RARB: variants seen among roughly 807,000 people sequenced by gnomAD.
RARB encodes HBV-activated protein.
RARB carries 17 observed loss-of-function variants against 51.9 expected under a neutral mutation model. The ratio of observed to expected loss-of-function variants is 0.33; its 90% confidence interval spans 0.22 to 0.49. The LOEUF is 0.49. RARB is among the 20% of genes least tolerant of loss of function. The probability of loss-of-function intolerance (pLI) is 0.99; values close to 1 mark genes in which losing one functional copy is unlikely to be tolerated. For synonymous variants in RARB, 215 were observed against 195.4 expected, an observed-to-expected ratio of 1.10 and a Z score of -0.84; for missense variants, 369 against 550.8, an observed-to-expected ratio of 0.67 and a Z score of 3.30.
intron 1 of RARB, among the ~76,000 whole-genome samples, chr3:25,434,241 G>C (rs1246349203): frequency 1.3e-5 from 2 of 152,330 alleles, no homozygotes; most frequent in African/African-American, 4.8e-5. Flanking sequence ...GGGTGATAGT[G>C]GGTGATGATG....
intron 5 of RARB, among the ~76,000 whole-genome samples, chr3:25,294,723 G>A (rs1472142372): frequency 1.1e-5 from 1 of 87,180 alleles, no homozygotes; most frequent in African/African-American, 7.3e-5. Flanking sequence ...CCCGTTGGCG[G>A]AAGCTTCCTA....
At chr3:25,029,739 G>A (rs144006772) in intron 2 of RARB, among the ~76,000 whole-genome samples, 180 of 152,314 alleles carry the variant, frequency 1.2e-3, no homozygotes, top group Admixed American at 2.9e-3. Flanking sequence ...AATAAGTCAC[G>A]TGTGGCACAG....
At chr3:24,992,772 C>T (rs1166420737) in intron 2 of RARB, among the ~76,000 whole-genome samples, 2 of 152,128 alleles carry the variant, frequency 1.3e-5, no homozygotes, top group Non-Finnish European at 2.9e-5. Context: ...TTAGCGATCA[C>T]CCATATGACC....
At chr3:25,245,293 G>T (rs1017775602) in intron 5 of RARB, among the ~76,000 whole-genome samples, 1 of 152,086 alleles carries the variant, frequency 6.6e-6, no homozygotes, top group African/African-American at 2.4e-5. Flanking sequence ...GGGGCATTTA[G>T]CCTGTTTACA....
chr3:25,224,571 T>G (rs1702013222), intron 5 of RARB, among the ~76,000 whole-genome samples: 1 of 152,150 alleles, frequency 6.6e-6, no homozygotes, highest in African/African-American at 2.4e-5. Flanking sequence ...AGAAATTAGG[T>G]GTTCAGGTAA....
chr3:25,123,736 T>C (rs1464096267), intron 3 of RARB, among the ~76,000 whole-genome samples: 7 of 152,192 alleles, frequency 4.6e-5, no homozygotes, highest in Admixed American at 4.6e-4. Context: ...TGCCTATTTT[T>C]ACCCTCTTCT....
intron 2 of RARB, among the ~76,000 whole-genome samples, chr3:24,964,887 A>G (rs1696220856): frequency 6.6e-6 from 1 of 152,148 alleles, no homozygotes; most frequent in African/African-American, 2.4e-5. Flanking sequence ...TGGGAAAGAT[A>G]TTTGTGACAG....
intron 2 of RARB, among the ~76,000 whole-genome samples, chr3:24,864,731 A>G (rs1428465205): frequency 6.7e-6 from 1 of 149,340 alleles, no homozygotes; most frequent in Non-Finnish European, 1.5e-5. Flanking sequence ...TATTTTTTTT[A>G]TGCTCTAAAA....
rs536368430 is a variant in RARB, at chr3:25,086,436, G to C, written c.-328+26260G>C. Among the ~76,000 whole-genome samples the C allele has an allele frequency of 2.0e-5, 3 of 152,194 alleles. No individual in the cohort carries two copies. In the East Asian group the frequency reaches 5.8e-4, roughly 29 times the overall value. On this transcript the variant is annotated intron_variant, in intron 3 of 11. Coordinates refer to the RARB transcript ENST00000383772. ...AGGGAAGTCAGGACATTTTTTCTCAGAAAAATTTTTTAACTTATGAAGAGT... is the reference window on the plus strand; with the variant it reads ...AGGGAAGTCAGGACATTTTTTCTCACAAAAATTTTTTAACTTATGAAGAGT...
chr3:25,209,700 C>A (rs1428633303), intron 5 of RARB, among the ~76,000 whole-genome samples: 1 of 152,144 alleles, frequency 6.6e-6, no homozygotes, highest in South Asian at 2.1e-4. Context: ...CCCTAGCTCT[C>A]CTGCTCCCTG....
intron 3 of RARB, among the ~76,000 whole-genome samples, chr3:25,066,774 T>G (rs1698672664): frequency 6.6e-6 from 1 of 151,848 alleles, no homozygotes; most frequent in African/African-American, 2.4e-5. Flanking sequence ...AAAATAAAAA[T>G]TATCTTTGTT....
At chr3:25,395,915 G>A (rs950792258) in intron 5 of RARB, among the ~76,000 whole-genome samples, 2 of 151,736 alleles carry the variant, frequency 1.3e-5, no homozygotes, top group Non-Finnish European at 2.9e-5. Flanking sequence ...TGTGATCTTT[G>A]TGGGGAGTTA....
intron 2 of RARB, among the ~76,000 whole-genome samples, chr3:24,908,521 G>T (rs1000597558): frequency 2.0e-5 from 3 of 152,008 alleles, no homozygotes; most frequent in African/African-American, 4.8e-5. Context: ...TCAACATAAT[G>T]AACAAAATTT....
At chr3:25,003,714 A>T (rs908568043) in intron 2 of RARB, among the ~76,000 whole-genome samples, 3 of 152,158 alleles carry the variant, frequency 2.0e-5, no homozygotes, top group Admixed American at 6.6e-5. Flanking sequence ...TTTACTGAAG[A>T]TGGATGGAAG....
chr3:24,981,587 G>C (rs1393911217), intron 2 of RARB, among the ~76,000 whole-genome samples: 1 of 151,968 alleles, frequency 6.6e-6, no homozygotes, highest in African/African-American at 2.4e-5. Context: ...GGGACCCACC[G>C]AGCCAGGCAC....
In RARB at chr3:25,597,171, G is replaced by GCTGAAGATATTCTA. The variant is rs1254712339; in HGVS notation, c.*558_*571dup. ...CTATTGTACAGTATGACAAGATAAGGCTGAAGATATTCTACTTTAGTTAGT... is the reference window on the plus strand; with the variant it reads ...CTATTGTACAGTATGACAAGATAAGGCTGAAGATATTCTACTGAAGATATTCTACTTTAGTTAGT... On this transcript the variant is annotated 3_prime_UTR_variant, in exon 8 of 8. Transcript: ENST00000330688. 1 of 152,646 alleles carries GCTGAAGATATTCTA rather than the reference G, an allele frequency of 6.6e-6. No individual in the cohort carries two copies. Among genetic ancestry groups the GCTGAAGATATTCTA allele is most frequent in the Non-Finnish European group, 1.5e-5 (1 of 68,042 alleles). 9.5% of individuals were successfully genotyped at this position (152,646 alleles called of 1,614,324 possible).
chr3:25,574,934 A>T (rs1004596317), intron 4 of RARB, among the ~76,000 whole-genome samples: 1 of 152,182 alleles, frequency 6.6e-6, no homozygotes, highest in Non-Finnish European at 1.5e-5. Context: ...CCCGAGTTCC[A>T]GTCCCCACTG....
chr3:25,389,787 A>T (rs907972917), intron 5 of RARB, among the ~76,000 whole-genome samples: 2 of 152,208 alleles, frequency 1.3e-5, no homozygotes, highest in African/African-American at 4.8e-5. Context: ...GTGTGCATAG[A>T]AATAATTAAA....
At position 25,205,381 on chromosome 3, in the gene RARB, G is replaced by A. The variant is rs546170286; in HGVS notation, c.178+30806G>A. 8.9e-4 allele frequency among the ~76,000 whole-genome samples: 135 copies of A among 152,202 alleles called. 1 individual carries two copies. The highest frequency in any genetic ancestry group is 3.2e-3 in the African/African-American group (133 of 41,538). ...TGACCCCTTGCACTTCCCGGGTGAG[G>A]CAATGCCTCACCCTGCTTTGGCTCA... is the stretch of plus-strand genomic sequence containing the variant. On this transcript the variant is annotated intron_variant, in intron 5 of 11. Transcript: ENST00000383772.
Sources: gnomAD v4.1 joint callset for allele counts (sites outside exome capture counted in the v4.1 genomes callset) on GRCh38, gnomAD v4.1.1 for gene constraint, MANE v1.5 for transcripts, NCBI Gene and HGNC (gene_info 2026-07-23, HGNC 2026-07-21) for gene names.